Variants in MTHFD1L observed in about 807,000 individuals in gnomAD.
The protein encoded by MTHFD1L is methylenetetrahydrofolate dehydrogenase (NADP+ dependent) 1 like, also known as monofunctional C1-tetrahydrofolate synthase, mitochondrial.
In MTHFD1L, 81 loss-of-function variants were observed where a neutral mutation model predicts 119.5. That is an observed-to-expected ratio of 0.68 (90% CI 0.57 to 0.82). MTHFD1L has a LOEUF of 0.82. Ranked by LOEUF, MTHFD1L falls within the 40% of genes least tolerant of loss-of-function variation. The probability of loss-of-function intolerance (pLI) is 0.00; values close to 1 mark genes in which losing one functional copy is unlikely to be tolerated. For synonymous variants in MTHFD1L, 430 were observed against 475.2 expected (o/e 0.90, Z 1.24); for missense variants, 1,125 against 1,253.4 (o/e 0.90, Z 1.55).
At chr6:151,000,846 A>G (rs185611314) in intron 20 of MTHFD1L, among the ~76,000 whole-genome samples, 50 of 152,360 alleles carry the variant, frequency 3.3e-4, no homozygotes, top group Admixed American at 3.2e-3. Context: ...ACTGTTTGGC[A>G]GTTAACACCA....
At chr6:150,970,254 G>A (rs1797841531) in intron 19 of MTHFD1L, among the ~76,000 whole-genome samples, 1 of 152,204 alleles carries the variant, frequency 6.6e-6, no homozygotes, top group African/African-American at 2.4e-5. Context: ...TGAACGTAAT[G>A]TCTGAGGATA....
At chr6:150,884,490 A>T (rs997962543) in intron 5 of MTHFD1L, among the ~76,000 whole-genome samples, 1 of 152,012 alleles carries the variant, frequency 6.6e-6, no homozygotes, top group African/African-American at 2.4e-5. Context: ...AAAAAACGAC[A>T]ATCTCCAGTC....
chr6:150,927,881 C>T (rs1252640585), intron 11 of MTHFD1L, among the ~76,000 whole-genome samples: 1 of 152,098 alleles, frequency 6.6e-6, no homozygotes, highest in Non-Finnish European at 1.5e-5. Flanking sequence ...ATAAGTGCTA[C>T]CCTGGTAGTT....
chr6:151,084,987 AT>A (rs1562643830), intron 26 of MTHFD1L, among the ~76,000 whole-genome samples: 241 of 69,176 alleles, frequency 3.5e-3, no homozygotes, highest in African/African-American at 0.015. Flanking sequence ...AAAAAAAAAT[AT>A]ATATATATAT....
chr6:151,026,817 A>T (rs1342190573), intron 24 of MTHFD1L, among the ~76,000 whole-genome samples: 159 of 58,658 alleles, frequency 2.7e-3, no homozygotes, highest in African/African-American at 3.1e-3. Context: ...TGTCCTTTCT[A>T]TCCTTTTTTT....
intron 21 of MTHFD1L, 116 bp from the exon 22 acceptor site, chr6:151,013,663 C>T (rs1782604658): frequency 7.1e-6 from 7 of 989,430 alleles, no homozygotes; most frequent in Non-Finnish European, 1.1e-5. Context: ...TTTAAAAGCA[C>T]AAAACATAGA....
chr6:151,007,378 A>T (rs1190767184), intron 20 of MTHFD1L, among the ~76,000 whole-genome samples: 6 of 152,134 alleles, frequency 3.9e-5, no homozygotes, highest in African/African-American at 1.2e-4. Flanking sequence ...GCCTGGATGG[A>T]GCAGGAATTC....
intron 24 of MTHFD1L, chr6:151,022,156 T>C: frequency 2.3e-6 from 1 of 429,020 alleles, no homozygotes; most frequent in South Asian, 1.7e-5. Flanking sequence ...TGGCCAGGGG[T>C]GTTTCCTCCT....
intron 20 of MTHFD1L, among the ~76,000 whole-genome samples, chr6:150,996,364 G>A (rs1429900380): frequency 2.0e-5 from 3 of 152,016 alleles, no homozygotes; most frequent in African/African-American, 7.2e-5. Flanking sequence ...TTGCAGAGGT[G>A]AGGTCTCACT....
chr6:151,093,239 C>T (rs77240192), intron 27 of MTHFD1L, among the ~76,000 whole-genome samples: 5,082 of 152,230 alleles, frequency 0.033, 176 homozygotes, highest in Admixed American at 0.11. Flanking sequence ...GCGTCACTCC[C>T]GTCTCAGCCT....
At chr6:151,014,856 G>A (rs760820252) in intron 22 of MTHFD1L, 24 bp from the exon 23 acceptor site, 1 of 1,606,288 alleles carries the variant, frequency 6.2e-7, no homozygotes, top group Non-Finnish European at 8.5e-7. Flanking sequence ...AGGGGTCTGG[G>A]TTTTGCTTTT....
At chr6:151,099,913 T>C (rs1365164538) in intron 27 of MTHFD1L, 1 of 1,304,712 alleles carries the variant, frequency 7.7e-7, no homozygotes, top group Non-Finnish European at 1.1e-6. Flanking sequence ...TGCCAGGCTG[T>C]GCAGCGAAGA....
intron 12 of MTHFD1L, 123 bp downstream of exon 12, chr6:150,937,063 G>A (rs1381796003): frequency 8.1e-7 from 1 of 1,230,460 alleles, no homozygotes; most frequent in Non-Finnish European, 1.1e-6. Flanking sequence ...TTTCTTCACT[G>A]CACACTCAGT....
intron 26 of MTHFD1L, among the ~76,000 whole-genome samples, chr6:151,043,061 A>G (rs559664932): frequency 9.9e-5 from 15 of 152,272 alleles, no homozygotes; most frequent in Admixed American, 2.6e-4. Flanking sequence ...AAGAAAGGCC[A>G]TAAGAGCTAG....
chr6:150,868,931 C>T (rs1311586439), intron 1 of MTHFD1L, among the ~76,000 whole-genome samples: 1 of 152,002 alleles, frequency 6.6e-6, no homozygotes, highest in Non-Finnish European at 1.5e-5. Flanking sequence ...GGGCGTGGCG[C>T]GTGCCTGTAG....
rs368268616 is a variant in MTHFD1L at position 150,886,783 on chromosome 6, G to GT, written c.643+1052dup. 3.5e-3 allele frequency among the ~76,000 whole-genome samples: 527 copies of GT among 152,054 alleles called. 5 individuals are homozygous for GT. Among genetic ancestry groups the GT allele is most frequent in the African/African-American group, 0.012 (496 of 41,456 alleles). On this transcript the variant is annotated intron_variant, in intron 6 of 27. Transcript: ENST00000367321. ...ATGGGAGGATTGCTTGAGCCCAGGA[G>GT]TTTGAGACCAGCTTGGGGAACATAG...
Position 150,891,829 on chromosome 6 carries a change from A to T in MTHFD1L, c.780+3848A>T, listed in dbSNP as rs1583412519. Among the ~76,000 whole-genome samples, 7 of 152,282 alleles carry T rather than the reference A, an allele frequency of 4.6e-5. No homozygotes were observed. In the East Asian group the frequency reaches 9.6e-4, roughly 21 times the overall value. On this transcript the variant is annotated intron_variant, in intron 7 of 27. Coordinates refer to ENST00000367321, the MANE Select transcript of MTHFD1L (RefSeq NM_015440.5). Reference sequence around the variant, plus strand: ...GGTACAGCTCACAGATCTAAAGCAAAGTGAAGTTTTAAATGAATGCATTAA... The same window carrying T: ...GGTACAGCTCACAGATCTAAAGCAATGTGAAGTTTTAAATGAATGCATTAA...
chr6:151,019,865 G>C (rs541927), intron 24 of MTHFD1L, among the ~76,000 whole-genome samples: 42,653 of 151,858 alleles, frequency 0.28, 8,434 homozygotes, highest in East Asian at 0.67. Flanking sequence ...AGCCTTCTTT[G>C]CCCCGGATTT....
In MTHFD1L at chr6:150,911,672, G is replaced by A. The variant is rs182992600; in HGVS notation, c.892+5911G>A. Among the ~76,000 whole-genome samples the A allele has an allele frequency of 1.6e-3, 237 of 152,162 alleles. 2 individuals carry two copies. Among genetic ancestry groups the A allele is most frequent in the South Asian group, 3.1e-3 (15 of 4,822 alleles). On this transcript the variant is annotated intron_variant, in intron 8 of 27. Transcript: ENST00000367321. ...AGGGAGGGCGTATTAGTCCATTTTC[G>A]CACTGCTGATAAAGACATACACGAG... is the stretch of plus-strand genomic sequence containing the variant.
Sources: gnomAD v4.1 joint callset for allele counts (sites outside exome capture counted in the v4.1 genomes callset) on GRCh38, gnomAD v4.1.1 for gene constraint, MANE v1.5 for transcripts, NCBI Gene and HGNC (gene_info 2026-07-23, HGNC 2026-07-21) for gene names.